Variants in SLC49A3 observed in about 807,000 individuals in gnomAD.
The protein encoded by SLC49A3 is solute carrier family 49 member A3.
In SLC49A3, 50 loss-of-function variants were observed where a neutral mutation model predicts 43.8. The observed-to-expected ratio is 1.14, with a 90% CI of 0.91 to 1.45. SLC49A3 has a LOEUF of 1.45. SLC49A3 is among the 40% of genes most tolerant of loss of function. The probability of loss-of-function intolerance (pLI) is 0.00; values close to 1 mark genes in which losing one functional copy is unlikely to be tolerated. For missense variants in SLC49A3, 906 were observed against 774.1 expected, an observed-to-expected ratio of 1.17 and a Z score of -2.02; for synonymous variants, 413 against 352.0, an observed-to-expected ratio of 1.17 and a Z score of -1.94.
At chr4:678,552 G>A, downstream of SLC49A3, 1 of 1,484,852 alleles carries the variant, frequency 6.7e-7, no homozygotes. Context: ...CAGCCCGAAG[G>A]GCTGAGGTCC....
downstream of SLC49A3, chr4:678,224 T>G (rs1159760157): frequency 1.3e-6 from 2 of 1,496,398 alleles, no homozygotes; most frequent in Non-Finnish European, 1.8e-6. Flanking sequence ...GTGTGGGCTG[T>G]GCTGTGTTGT....
In SLC49A3 at chr4:682,783, G is replaced by T; in HGVS notation, c.1259C>A (p.Thr420Lys). 1.3e-6 allele frequency: 2 copies of T among 1,579,432 alleles called. No individual in the cohort carries two copies. Among genetic ancestry groups the T allele is most frequent in the Non-Finnish European group, 1.7e-6 (2 of 1,158,892 alleles). Residue 420 changes from threonine (T) to lysine (K), a missense_variant and splice_region_variant, in exon 9 of 10, where the codon ACA becomes AAA. Thr to Lys is a moderately conservative substitution (Grantham distance 78, BLOSUM62 -1). Coordinates refer to ENST00000322224, the MANE Select transcript of SLC49A3 (RefSeq NM_032219.4). ...CQQGEDPLDW[T>K]VSLLLMAGLC... ...GGGACTCCCCATGTGAGGCTCACCT[G>T]TCCAGTCAAGTGGATCCTCCCCCTG...
At chr4:690,404 A>AT (rs961250345), upstream of SLC49A3, among the ~76,000 whole-genome samples, 4 of 141,224 alleles carry the variant, frequency 2.8e-5, no homozygotes, top group Non-Finnish European at 6.2e-5. Flanking sequence ...TTTGTTCCCC[A>AT]TTCCCCCACC....
intron 1 of SLC49A3, 149 bp downstream of exon 1, chr4:688,844 A>G (rs1741558487): frequency 1.7e-5 from 22 of 1,283,600 alleles, no homozygotes; most frequent in Non-Finnish European, 2.0e-5. Flanking sequence ...CAGTGCCCCC[A>G]GTGCCCGCAA....
At chr4:679,961 G>A, downstream of SLC49A3, 3 of 1,613,726 alleles carry the variant, frequency 1.9e-6, no homozygotes, top group Non-Finnish European at 2.5e-6. Context: ...GCTCAAAGAG[G>A]CCTCGGGGCC....
In SLC49A3 at chr4:683,377, G is replaced by C; in HGVS notation, c.994-10C>G. The C allele has an allele frequency of 6.2e-7, 1 of 1,605,204 alleles. No homozygotes were observed. Among genetic ancestry groups the C allele is most frequent in the Non-Finnish European group, 8.5e-7 (1 of 1,175,278 alleles). ...CCTGCAGCTGGGACACCTGGGAGCA[G>C]CGGAACGGCAGGCAGACAGGTGGAG... On this transcript the variant is annotated splice_polypyrimidine_tract_variant and intron_variant, in intron 7 of 9. Coordinates refer to ENST00000322224, the MANE Select transcript of SLC49A3 (RefSeq NM_032219.4).
In SLC49A3 at chr4:682,853, C is replaced by T. The variant is rs1740079803; in HGVS notation, c.1189G>A (p.Ala397Thr). The change falls in exon 9 of 10, where the codon GCA becomes ACA. Residue 397 changes from alanine (A) to threonine (T), a missense_variant. Transcript: ENST00000322224. Reference sequence around the variant, plus strand: ...GGCTCCGAGCGTCGCACAGTCAGTGCCGTCATTGCCAGCATGATGAGTATT... The same window carrying T: ...GGCTCCGAGCGTCGCACAGTCAGTGTCGTCATTGCCAGCATGATGAGTATT... Reference protein sequence around the residue: ...EGILIMLAMTALTVRRSEPSL... With the variant: ...EGILIMLAMTTLTVRRSEPSL... 1 of 1,603,912 alleles carries T rather than the reference C, an allele frequency of 6.2e-7. No individual in the cohort carries two copies. Among genetic ancestry groups the T allele is most frequent in the Non-Finnish European group, 8.5e-7 (1 of 1,173,848 alleles).
intron 7 of SLC49A3, 30 bp downstream of exon 7, chr4:683,579 A>G (rs757028853): frequency 1.9e-5 from 27 of 1,394,992 alleles, no homozygotes; most frequent in Non-Finnish European, 2.5e-5. Context: ...CCACCCCCAC[A>G]GGGCAGTCTT....
chr4:688,252 C>T (rs913947868), intron 1 of SLC49A3, among the ~76,000 whole-genome samples: 3 of 152,166 alleles, frequency 2.0e-5, no homozygotes, highest in Non-Finnish European at 4.4e-5. Flanking sequence ...CCGGGCCTGT[C>T]TCGGCCAGAG....
rs909907351 is a variant in SLC49A3, at chr4:689,025, C to G, written c.103G>C (p.Ala35Pro). 1 of 1,594,202 alleles carries G rather than the reference C, an allele frequency of 6.3e-7. No individual in the cohort carries two copies. Among genetic ancestry groups the G allele is most frequent in the Non-Finnish European group, 8.5e-7 (1 of 1,172,512 alleles). The change falls in exon 1 of 10, where the codon GCG (alanine) becomes CCG (proline). Residue 35 changes from alanine (A) to proline (P), a missense_variant. Ala to Pro is a conservative substitution (Grantham distance 27). Transcript: ENST00000322224. The part of the protein sequence containing the change: ...TYARRWVFLL[A>P]ISLLNCSNAT... ...TTGGAGCAGTTGAGCAGGCTGATCGCGAGCAGGAACACCCAGCGGCGCGCG... is the reference window on the plus strand; with the variant it reads ...TTGGAGCAGTTGAGCAGGCTGATCGGGAGCAGGAACACCCAGCGGCGCGCG...
At chr4:684,361 G>C in intron 6 of SLC49A3, 122 bp downstream of exon 6, 1 of 1,364,504 alleles carries the variant, frequency 7.3e-7, no homozygotes, top group Non-Finnish European at 1.0e-6. Flanking sequence ...CCACAGCACA[G>C]AAGGGTGTCA....
chr4:676,959 A>G, downstream of SLC49A3: 3 of 983,966 alleles, frequency 3.0e-6, no homozygotes, highest in South Asian at 9.4e-5. Flanking sequence ...AACTGTGACC[A>G]TGTGTCCCTC....
At chr4:683,509 C>T (rs969696547) in intron 7 of SLC49A3, 100 bp downstream of exon 7, 10 of 1,492,644 alleles carry the variant, frequency 6.7e-6, no homozygotes, top group Non-Finnish European at 9.0e-6. Flanking sequence ...GGGCATGAGA[C>T]AGTCCAGACC....
downstream of SLC49A3, chr4:680,881 C>T (rs1323109241): frequency 9.2e-6 from 6 of 654,504 alleles, no homozygotes; most frequent in Admixed American, 2.8e-5. Context: ...CTGTAACCTC[C>T]TTCCGGCTCT....
intron 8 of SLC49A3, 136 bp downstream of exon 8, chr4:683,074 C>T (rs1352261053): frequency 9.4e-6 from 12 of 1,272,100 alleles, no homozygotes; most frequent in Non-Finnish European, 8.7e-6. Flanking sequence ...TCAGAACCTG[C>T]TCGGCCCTTG....
At chr4:677,807 A>G (rs1421211846), downstream of SLC49A3, 4 of 675,590 alleles carry the variant, frequency 5.9e-6, no homozygotes, top group Non-Finnish European at 1.1e-5. Context: ...GTATCTGGGG[A>G]GGCTGGGGGC....
At chr4:678,772 C>T (rs946791344), downstream of SLC49A3, 6 of 1,608,836 alleles carry the variant, frequency 3.7e-6, no homozygotes, top group Non-Finnish European at 5.1e-6. Context: ...GGAGGTGAGA[C>T]TTTCCTGCTT....
At chr4:681,150 G>T, downstream of SLC49A3, 1 of 1,602,072 alleles carries the variant, frequency 6.2e-7, no homozygotes. Context: ...GGTCTGGCCC[G>T]CGGCTTCCCT....
chr4:678,104 G>C (rs369141276), downstream of SLC49A3: 1 of 1,582,990 alleles, frequency 6.3e-7, no homozygotes, highest in African/African-American at 1.5e-5. Context: ...CATGCGCACA[G>C]ACGAGCGTGG....
Sources: allele counts gnomAD v4.1 joint callset (sites outside exome capture counted in the v4.1 genomes callset), GRCh38; gene constraint gnomAD v4.1.1; transcripts MANE v1.5; gene names NCBI Gene and HGNC (gene_info 2026-07-23, HGNC 2026-07-21).